Variants in DLGAP2 observed in about 807,000 individuals in gnomAD.
The protein encoded by DLGAP2 is disks large-associated protein 2.
Under a neutral mutation model 100.3 loss-of-function variants are expected in DLGAP2, and 26 were observed. The ratio of observed to expected loss-of-function variants is 0.26; its 90% CI spans 0.19 to 0.36. The LOEUF (loss-of-function observed/expected upper bound fraction) is 0.36, where lower values mean the gene tolerates loss of function less well. Ranked by LOEUF, DLGAP2 falls within the 10% of genes least tolerant of loss-of-function variation. DLGAP2 has a pLI of 1.00. For synonymous variants in DLGAP2, 886 were observed against 630.1 expected (o/e 1.41, Z -6.08); for missense variants, 1,858 against 1,453.2 (o/e 1.28, Z -4.53).
intron 1 of DLGAP2, among the ~76,000 whole-genome samples, chr8:762,032 G>C (rs1821099793): frequency 6.6e-6 from 1 of 152,192 alleles, no homozygotes; most frequent in African/African-American, 2.4e-5. Context: ...TACGATGATA[G>C]GTCGCTGTGG....
At chr8:1,571,362 A>T (rs1802668454) in intron 6 of DLGAP2, among the ~76,000 whole-genome samples, 1 of 107,982 alleles carries the variant, frequency 9.3e-6, no homozygotes, top group East Asian at 3.4e-4. Context: ...ATCTGATGAG[A>T]TGGAGAGGAG....
At chr8:1,324,229 C>G (rs1404207164) in intron 3 of DLGAP2, among the ~76,000 whole-genome samples, 1 of 152,198 alleles carries the variant, frequency 6.6e-6, no homozygotes, top group East Asian at 1.9e-4. Flanking sequence ...ACCACTGTCT[C>G]TGCCCCCATA....
At chr8:1,356,101 G>A (rs1352720188) in intron 3 of DLGAP2, among the ~76,000 whole-genome samples, 1 of 152,220 alleles carries the variant, frequency 6.6e-6, no homozygotes, top group East Asian at 1.9e-4. Flanking sequence ...CCTGGACAAG[G>A]TGGGCCCCAC....
At position 1,451,797 on chromosome 8, in the gene DLGAP2, A is replaced by C. The variant is rs184926126; in HGVS notation, c.107-49569A>C. On this transcript the variant is annotated intron_variant, in intron 3 of 14. Transcript: ENST00000637795. ...CTTCCTGAGGCCACAACATTCTCCC[A>C]ACGTCCGGATATCCCACTAGGTAGC... Among the ~76,000 whole-genome samples, 81 of 152,166 alleles carry C rather than the reference A, an allele frequency of 5.3e-4. 1 individual carries two copies. In the East Asian group the frequency reaches 0.015, roughly 28 times the overall value.
chr8:877,817 G>A (rs1369354370), intron 1 of DLGAP2, among the ~76,000 whole-genome samples: 1 of 152,142 alleles, frequency 6.6e-6, no homozygotes, highest in Non-Finnish European at 1.5e-5. Context: ...AAGAGATTGT[G>A]TTCCACGGCT....
At chr8:1,681,901 T>TCCGGGA (rs1798957971) in intron 12 of DLGAP2, among the ~76,000 whole-genome samples, 2 of 138,860 alleles carry the variant, frequency 1.4e-5, no homozygotes, top group Admixed American at 7.5e-5. Flanking sequence ...CCAGCAGTGA[T>TCCGGGA]CTGGGACTGG....
At chr8:895,342 G>A (rs1798124339) in intron 1 of DLGAP2, among the ~76,000 whole-genome samples, 1 of 152,138 alleles carries the variant, frequency 6.6e-6, no homozygotes, top group Admixed American at 6.5e-5. Context: ...TGTGTATAAT[G>A]TAATAGCTGT....
chr8:1,020,401 C>T (rs879673519), intron 2 of DLGAP2, among the ~76,000 whole-genome samples: 1 of 152,308 alleles, frequency 6.6e-6, no homozygotes, highest in South Asian at 2.1e-4. Context: ...TAATCCAAGC[C>T]CTCTGTTTCT....
intron 4 of DLGAP2, among the ~76,000 whole-genome samples, chr8:1,507,487 C>T (rs963910038): frequency 1.3e-5 from 2 of 152,178 alleles, no homozygotes; most frequent in Non-Finnish European, 2.9e-5. Flanking sequence ...CTCGCGCTGG[C>T]CCATGAGCCC....
chr8:1,048,688 G>T (rs1241104689), intron 2 of DLGAP2, among the ~76,000 whole-genome samples: 2 of 152,012 alleles, frequency 1.3e-5, no homozygotes, highest in East Asian at 3.9e-4. Context: ...TGAATGAGAA[G>T]AAGATGCCGC....
intron 2 of DLGAP2, among the ~76,000 whole-genome samples, chr8:986,320 CT>C (rs111840963): frequency 0.018 from 2,809 of 152,200 alleles, 89 homozygotes; most frequent in African/African-American, 0.064. Context: ...TTAAACTTTT[CT>C]TTTTTTAAAA....
At chr8:1,522,542 T>A (rs1800642547) in intron 4 of DLGAP2, among the ~76,000 whole-genome samples, 2 of 152,192 alleles carry the variant, frequency 1.3e-5, no homozygotes, top group African/African-American at 4.8e-5. Flanking sequence ...CATCAGCAGA[T>A]CCTTTACTTC....
At chr8:1,491,084 A>T (rs1368238809) in intron 3 of DLGAP2, among the ~76,000 whole-genome samples, 1 of 144,474 alleles carries the variant, frequency 6.9e-6, no homozygotes, top group Non-Finnish European at 1.5e-5. Flanking sequence ...AACCAAAAAA[A>T]AAAAAAAACC....
chr8:1,467,363 G>A (rs1224169869), intron 3 of DLGAP2, among the ~76,000 whole-genome samples: 8 of 149,952 alleles, frequency 5.3e-5, no homozygotes, highest in South Asian at 2.1e-4. Context: ...TCCCATTCAC[G>A]GCCCCCCACA....
Position 1,549,068 on chromosome 8 carries a change from C to T in DLGAP2, c.615C>T (p.Asp205=), listed in dbSNP as rs767977274. 1.8e-5 allele frequency: 29 copies of T among 1,589,084 alleles called. No homozygotes were observed. Among genetic ancestry groups the T allele is most frequent in the Admixed American group, 1.2e-4 (7 of 56,906 alleles). ...QFEKQLPLHR[D]GFHTLQYQRT... is the part of the protein sequence containing the mutation. ...AGAAGCAGCTGCCGCTGCACCGGGA[C>T]GGCTTCCACACGCTGCAGTACCAGA... Residue 205 remains aspartate, a synonymous_variant, in exon 5 of 15, where the codon GAC becomes GAT. Coordinates refer to ENST00000637795, the MANE Select transcript of DLGAP2 (RefSeq NM_001346810.2).
At chr8:1,171,891 T>C (rs1421448044) in intron 2 of DLGAP2, among the ~76,000 whole-genome samples, 3 of 152,168 alleles carry the variant, frequency 2.0e-5, no homozygotes, top group Non-Finnish European at 2.9e-5. Flanking sequence ...ACATTTAAAG[T>C]TAATATTGTT....
chr8:860,571 C>T (rs1414706705), intron 1 of DLGAP2, among the ~76,000 whole-genome samples: 3 of 152,240 alleles, frequency 2.0e-5, no homozygotes, highest in African/African-American at 7.2e-5. Flanking sequence ...GGCAGTGACT[C>T]AGTGGTTACT....
intron 2 of DLGAP2, among the ~76,000 whole-genome samples, chr8:985,177 C>G (rs1040796929): frequency 2.0e-5 from 3 of 152,156 alleles, no homozygotes; most frequent in African/African-American, 4.8e-5. Flanking sequence ...AGGTTACAGC[C>G]TGATCCAGAG....
rs149583106 is a variant in DLGAP2 at position 1,388,103 on chromosome 8, G to A, written c.107-113263G>A. 7.1e-3 allele frequency among the ~76,000 whole-genome samples: 709 copies of A among 99,808 alleles called. 7 individuals are homozygous for A. Among genetic ancestry groups the A allele is most frequent in the African/African-American group, 0.021 (675 of 31,786 alleles). 65.5% of individuals were successfully genotyped at this position (99,808 alleles called of 152,430 possible). ...CGTCAGGGCTGTGAGAGCAGAGGCCGTGGATGGGGAGGCTCTGGTTCAGGT... is the reference window on the plus strand; with the variant it reads ...CGTCAGGGCTGTGAGAGCAGAGGCCATGGATGGGGAGGCTCTGGTTCAGGT... On this transcript the variant is annotated intron_variant, in intron 3 of 14. Transcript: ENST00000637795.
Sources: allele counts gnomAD v4.1 joint callset (sites outside exome capture counted in the v4.1 genomes callset), GRCh38; gene constraint gnomAD v4.1.1; transcripts MANE v1.5; gene names NCBI Gene and HGNC (gene_info 2026-07-23, HGNC 2026-07-21).